USP34: variants seen among roughly 807,000 people sequenced by gnomAD.
The protein encoded by USP34 is ubiquitin specific peptidase 34.
USP34 carries 70 observed loss-of-function variants against 460.3 expected under a neutral mutation model. That is an observed-to-expected ratio of 0.15 (90% CI 0.13 to 0.19). The LOEUF is 0.19. Among genes scored for constraint, USP34 ranks in the 10% least tolerant of loss-of-function variants. The pLI, the probability that USP34 is intolerant of heterozygous loss-of-function variation, is 1.00. For synonymous variants in USP34, 1,647 were observed against 1,405.3 expected (o/e 1.17, Z -3.85); for missense variants, 3,985 against 4,236.2 (o/e 0.94, Z 1.65).
At chr2:61,338,355 C>G (rs1445121706) in intron 18 of USP34, among the ~76,000 whole-genome samples, 1 of 152,184 alleles carries the variant, frequency 6.6e-6, no homozygotes, top group Non-Finnish European at 1.5e-5. Flanking sequence ...AAGGAGGCAA[C>G]TGATTCATTT....
intron 1 of USP34, among the ~76,000 whole-genome samples, chr2:61,435,623 G>C (rs1032348655): frequency 2.0e-5 from 3 of 152,104 alleles, no homozygotes; most frequent in Non-Finnish European, 4.4e-5. Flanking sequence ...AGCAAGCAAG[G>C]AACAAAGGAT....
At chr2:61,344,123 CT>C (rs1558540084) in intron 15 of USP34, 94 bp from the exon 16 acceptor site, 10 of 1,180,240 alleles carry the variant, frequency 8.5e-6, no homozygotes, top group Non-Finnish European at 1.2e-5. Flanking sequence ...TACAAATACA[CT>C]TAGAAACAAA....
At chr2:61,196,560 T>G (rs1686816371) in intron 75 of USP34, among the ~76,000 whole-genome samples, 1 of 151,640 alleles carries the variant, frequency 6.6e-6, no homozygotes, top group South Asian at 2.1e-4. Context: ...CTAGACAGTC[T>G]CACTCTGTTG....
Position 61,380,493 on chromosome 2 carries a change from T to C in USP34, c.822-132A>G, listed in dbSNP as rs139997744. 329 of 864,408 alleles carry C rather than the reference T, an allele frequency of 3.8e-4. 2 individuals carry two copies. The East Asian group carries it at 8.3e-3, about 22-fold the overall frequency. The allele number at this position is 864,408 out of a possible 1,614,324, so 53.5% of individuals were successfully genotyped here. On this transcript the variant is annotated intron_variant, in intron 6 of 79. Coordinates refer to ENST00000398571, the MANE Select transcript of USP34 (RefSeq NM_014709.4). ...AAAACCCACAAACCTCTGGTTTTCC[T>C]CTCAGGCCCTGCCTAATCTCTTTGG...
intron 41 of USP34, among the ~76,000 whole-genome samples, chr2:61,275,662 A>G (rs1033151522): frequency 4.6e-5 from 7 of 151,790 alleles, no homozygotes; most frequent in Non-Finnish European, 7.4e-5. Flanking sequence ...ATTTGAAAAT[A>G]TCTAAGATAG....
At chr2:61,317,528 A>G in intron 23 of USP34, 126 bp downstream of exon 23, 2 of 786,148 alleles carry the variant, frequency 2.5e-6, no homozygotes, top group Non-Finnish European at 4.0e-6. Flanking sequence ...CTCCATCTCA[A>G]AACAAACCCA....
rs1693857693 is a variant in USP34 at position 61,405,939 on chromosome 2, T to G, written c.321A>C (p.Ile107=). ...ESNQAEEPLN[I]DRECNEGSTE... is the part of the protein sequence containing the mutation. ...TACTTCCTTCATTACACTCTCTATCTATATTCAGTGGTTCTTCTGCTTGAT... is the reference window on the plus strand; with the variant it reads ...TACTTCCTTCATTACACTCTCTATCGATATTCAGTGGTTCTTCTGCTTGAT... The change falls in exon 3 of 80, where the codon ATA becomes ATC. Residue 107 remains isoleucine (I), a synonymous_variant. Coordinates refer to ENST00000398571, the MANE Select transcript of USP34 (RefSeq NM_014709.4). 1 of 1,613,646 alleles carries G rather than the reference T, an allele frequency of 6.2e-7. No homozygotes were observed. The highest frequency in any genetic ancestry group is 8.5e-7 in the Non-Finnish European group (1 of 1,179,966).
chr2:61,375,572 A>G (rs1264954091), intron 8 of USP34, among the ~76,000 whole-genome samples: 1 of 152,098 alleles, frequency 6.6e-6, no homozygotes, highest in Admixed American at 6.6e-5. Flanking sequence ...GATCGAGTCC[A>G]TCCTGGCTAA....
At chr2:61,283,589 G>A in intron 35 of USP34, 140 bp from the exon 36 acceptor site, 2 of 741,400 alleles carry the variant, frequency 2.7e-6, no homozygotes, top group South Asian at 2.1e-5. Context: ...GAGAGTGAGA[G>A]TGAGAGTGAG....
At chr2:61,289,799 G>T (rs1689795069) in intron 33 of USP34, among the ~76,000 whole-genome samples, 1 of 152,124 alleles carries the variant, frequency 6.6e-6, no homozygotes, top group South Asian at 2.1e-4. Context: ...TATTGTTACA[G>T]ATCTAAACGT....
chr2:61,385,943 G>A (rs1209359006), intron 5 of USP34, among the ~76,000 whole-genome samples: 2 of 148,500 alleles, frequency 1.3e-5, no homozygotes, highest in Non-Finnish European at 3.0e-5. Context: ...GTTGCAGTAA[G>A]CTGAGATCGT....
chr2:61,383,702 G>A (rs769216447), intron 5 of USP34, among the ~76,000 whole-genome samples: 5 of 152,006 alleles, frequency 3.3e-5, no homozygotes, highest in Admixed American at 6.6e-5. Context: ...CCTGGGCAAC[G>A]GAGCGAGACT....
chr2:61,337,272 T>A (rs1161023233), intron 18 of USP34, among the ~76,000 whole-genome samples: 2 of 152,234 alleles, frequency 1.3e-5, no homozygotes, highest in African/African-American at 4.8e-5. Flanking sequence ...TGTTTTTGTG[T>A]CTGGCTTCTT....
In USP34 at chr2:61,348,766, G is replaced by A; in HGVS notation, c.1664C>T (p.Ser555Leu). 6.2e-7 allele frequency: 1 copy of A among 1,611,174 alleles called. No individual in the cohort carries two copies. The highest frequency in any genetic ancestry group is 8.5e-7 in the Non-Finnish European group (1 of 1,179,168). The change falls in exon 14 of 80, where the codon TCA (serine) becomes TTA (leucine). Residue 555 changes from serine to leucine, a missense_variant. Physicochemically the swap from Ser to Leu is moderately radical, Grantham distance 145. This residue lies in a region of USP34 where 716 missense variants were observed against 626.2 expected (regional missense o/e 1.14). Transcript: ENST00000398571. ...AACCTATTTTCATACCTCTGTGTCT[G>A]AAAGTCGTTGTTGCACATGTTTGGT... ...NRTKHVQQRL[S>L]DTEESMQGSS... is the part of the protein sequence containing the mutation.
chr2:61,319,078 C>T, intron 22 of USP34, 95 bp downstream of exon 22: 1 of 1,252,070 alleles, frequency 8.0e-7, no homozygotes. Context: ...CTTAAAAAAA[C>T]TGTCAAAAAA....
At chr2:61,222,694 T>TTC (rs1687620254) in intron 64 of USP34, 31 bp from the exon 65 acceptor site, 3 of 1,603,088 alleles carry the variant, frequency 1.9e-6, no homozygotes, top group Non-Finnish European at 2.6e-6. Flanking sequence ...TTTCAGGATA[T>TTC]TCTTGTTTTG....
At position 61,274,655 on chromosome 2, in the gene USP34, A is replaced by C. The variant is rs562523528; in HGVS notation, c.5433+3510T>G. Among the ~76,000 whole-genome samples the C allele has an allele frequency of 3.9e-5, 6 of 152,286 alleles. No homozygotes were observed. The South Asian group carries it at 1.0e-3, about 26-fold the overall frequency. On this transcript the variant is annotated intron_variant, in intron 41 of 79. Coordinates refer to ENST00000398571, the MANE Select transcript of USP34 (RefSeq NM_014709.4). ...AATAATACAAAATAAAACCAAGAGAATCTCTTTGCACCTATCAGACTGGTA... is the reference window on the plus strand; with the variant it reads ...AATAATACAAAATAAAACCAAGAGACTCTCTTTGCACCTATCAGACTGGTA...
chr2:61,311,391 C>G (rs947651915), intron 27 of USP34, 149 bp downstream of exon 27: 1 of 864,926 alleles, frequency 1.2e-6, no homozygotes, highest in Non-Finnish European at 1.6e-6. Context: ...TACAGCAACA[C>G]AAGACAAACC....
At chr2:61,301,945 G>GA (rs1690239484) in intron 27 of USP34, among the ~76,000 whole-genome samples, 2 of 150,212 alleles carry the variant, frequency 1.3e-5, no homozygotes, top group African/African-American at 2.5e-5. Flanking sequence ...AGGGTGAGGA[G>GA]AAAAAAGAGA....
Sources: allele counts gnomAD v4.1 joint callset (sites outside exome capture counted in the v4.1 genomes callset), GRCh38; gene constraint gnomAD v4.1.1; regional missense constraint gnomAD v4.1.1; transcripts MANE v1.5; gene names NCBI Gene and HGNC (gene_info 2026-07-23, HGNC 2026-07-21).